ZNF578: variants seen among roughly 807,000 people sequenced by gnomAD.
ZNF578 encodes the protein zinc finger protein 578.
Under a neutral mutation model 8.3 loss-of-function variants are expected in ZNF578, and 8 were observed. The observed-to-expected ratio is 0.96, with a 90% confidence interval of 0.56 to 1.74. ZNF578 has a LOEUF of 1.74. ZNF578 is among the 40% of genes most tolerant of loss of function. The probability of loss-of-function intolerance (pLI) is 0.00; values close to 1 mark genes in which losing one functional copy is unlikely to be tolerated. For missense variants in ZNF578, 726 were observed against 707.5 expected (o/e 1.03, Z -0.30); for synonymous variants, 206 against 232.2 (o/e 0.89, Z 1.03).
At chr19:52,505,304 C>G (rs957507726) in intron 5 of ZNF578, among the ~76,000 whole-genome samples, 11 of 152,204 alleles carry the variant, frequency 7.2e-5, no homozygotes, top group Non-Finnish European at 1.5e-4. Flanking sequence ...GAAATTTCTC[C>G]TAGCGGGGAC....
At chr19:52,454,806 G>A (rs1306094232) in intron 1 of ZNF578, 3 of 152,172 alleles carry the variant, frequency 2.0e-5, no homozygotes, top group East Asian at 3.9e-4. Flanking sequence ...GATAGTGTAA[G>A]AATTGAGTTA....
In ZNF578 at chr19:52,504,897, T is replaced by TTGATTGTG. The variant is rs1242472660; in HGVS notation, c.190+118_190+119insATTGTGTG. On this transcript the variant is annotated intron_variant, in intron 5 of 5. Coordinates refer to ENST00000421239, the MANE Select transcript of ZNF578 (RefSeq NM_001099694.2). ...ATACGTGGTTTTTTTGTTTGATTGT[T>TTGATTGTG]TGTTTGGTTTGAGATGGATCTTTGC... is the stretch of plus-strand genomic sequence containing the variant. 3.9e-6 allele frequency: 6 copies of TTGATTGTG among 1,553,842 alleles called. No individual in the cohort carries two copies. In the Middle Eastern group the frequency reaches 8.7e-4, roughly 225 times the overall value.
rs181399251 is a variant in ZNF578, at chr19:52,463,898, T to G, written c.-122+6940T>G. ...GCATCCTGAGTAATTTTTGGAAGAATCCATGTAGTTAATTTTAAGAACTGG... is the reference window on the plus strand; with the variant it reads ...GCATCCTGAGTAATTTTTGGAAGAAGCCATGTAGTTAATTTTAAGAACTGG... On this transcript the variant is annotated intron_variant, in intron 2 of 5. Coordinates refer to ENST00000421239, the MANE Select transcript of ZNF578 (RefSeq NM_001099694.2). Among the ~76,000 whole-genome samples the G allele has an allele frequency of 1.3e-4, 20 of 152,334 alleles. No individual in the cohort carries two copies. In the East Asian group the frequency reaches 3.1e-3, roughly 24 times the overall value.
In ZNF578 at chr19:52,501,883, A is replaced by G; in HGVS notation, c.38A>G (p.Lys13Arg). Residue 13 changes from lysine to arginine, a missense_variant, in exon 4 of 6, where the codon AAG (lysine) becomes AGG (arginine). Transcript: ENST00000421239. ...GAAGCAGCTCAGAAGAGGAAAGGAA[A>G]GGAGCCAGGCATGGCTCTTCCTCAG... ...HEEAAQKRKG[K>R]EPGMALPQGR... 1.2e-6 allele frequency: 2 copies of G among 1,613,608 alleles called. No individual in the cohort carries two copies. The highest frequency in any genetic ancestry group is 1.7e-5 in the Admixed American group (1 of 60,004).
intron 2 of ZNF578, among the ~76,000 whole-genome samples, chr19:52,476,803 C>T (rs1348886877): frequency 6.6e-6 from 1 of 152,160 alleles, no homozygotes; most frequent in East Asian, 1.9e-4. Flanking sequence ...TGGTAGGGGC[C>T]GGTCCTTACT....
intron 5 of ZNF578, among the ~76,000 whole-genome samples, chr19:52,508,782 T>C (rs566816046): frequency 4.7e-4 from 67 of 141,674 alleles, no homozygotes; most frequent in African/African-American, 1.7e-3. Context: ...GCAACAAGAG[T>C]GGAACTCTGT....
chr19:52,514,960 CTCTTT>C lies in ZNF578; in HGVS notation c.*2808_*2812del. 8.6e-6 allele frequency among the ~76,000 whole-genome samples: 1 copy of C among 115,962 alleles called. No homozygotes were observed. Among genetic ancestry groups the C allele is most frequent in the East Asian group, 2.6e-4 (1 of 3,840 alleles). The allele number at this position is 115,962 out of a possible 152,430, so 76.1% of individuals were successfully genotyped here. On this transcript the variant is annotated 3_prime_UTR_variant, in exon 6 of 6. Transcript: ENST00000421239. ...ACAGGCATGAGCTACCACGTCGAGA[CTCTTT>C]TTTTTTTTTTTTTTTAGATGGAGTT...
intron 5 of ZNF578, 91 bp downstream of exon 5, chr19:52,504,872 A>G (rs28431137): frequency 0.11 from 161,931 of 1,511,528 alleles, 9,142 homozygotes; most frequent in African/African-American, 0.25. Flanking sequence ...ATTTTGCCCC[A>G]TACGTGGTTT....
At chr19:52,458,614 T>C (rs1011389225) in intron 2 of ZNF578, 1 of 151,730 alleles carries the variant, frequency 6.6e-6, no homozygotes, top group Admixed American at 6.6e-5. Flanking sequence ...TTTCTTTCCA[T>C]GTATTTTAGT....
chr19:52,471,416 C>T (rs551220053), intron 2 of ZNF578, among the ~76,000 whole-genome samples: 1 of 152,262 alleles, frequency 6.6e-6, no homozygotes, highest in South Asian at 2.1e-4. Flanking sequence ...TACACAGATC[C>T]TATTAGTTCT....
chr19:52,462,590 C>T (rs1459146299), intron 2 of ZNF578, among the ~76,000 whole-genome samples: 3 of 152,162 alleles, frequency 2.0e-5, no homozygotes, highest in Admixed American at 6.5e-5. Flanking sequence ...TGAGGTTACT[C>T]GAGTTTAGTG....
intron 2 of ZNF578, among the ~76,000 whole-genome samples, chr19:52,480,934 A>G (rs1041341326): frequency 5.7e-5 from 8 of 141,588 alleles, no homozygotes; most frequent in African/African-American, 2.0e-4. Context: ...AATAATAATA[A>G]TAATAATAAT....
At chr19:52,473,176 A>G (rs539647751) in intron 2 of ZNF578, among the ~76,000 whole-genome samples, 5 of 152,312 alleles carry the variant, frequency 3.3e-5, no homozygotes, top group African/African-American at 1.2e-4. Context: ...TCTCTTTACT[A>G]TGGACTCTGA....
chr19:52,501,446 G>C (rs917600485), intron 3 of ZNF578, among the ~76,000 whole-genome samples: 5 of 152,224 alleles, frequency 3.3e-5, no homozygotes, highest in Non-Finnish European at 7.3e-5. Context: ...GTGCAGCATT[G>C]AGCATGGAAG....
chr19:52,512,852 A>C lies in ZNF578; in HGVS notation c.*698A>C, dbSNP rs2059454795. On this transcript the variant is annotated 3_prime_UTR_variant, in exon 6 of 6. Coordinates refer to ENST00000421239, the MANE Select transcript of ZNF578 (RefSeq NM_001099694.2). ...TTGAGTTTGTGTTGACTTAACATTG[A>C]GTTCAAGCCTTAATTGACATGCAGG... Among the ~76,000 whole-genome samples the C allele has an allele frequency of 6.6e-6, 1 of 152,208 alleles. No homozygotes were observed. The highest frequency in any genetic ancestry group is 1.5e-5 in the Non-Finnish European group (1 of 68,038).
intron 5 of ZNF578, among the ~76,000 whole-genome samples, 181 bp downstream of exon 5, chr19:52,504,962 A>G (rs1568466072): frequency 6.6e-6 from 1 of 152,190 alleles, no homozygotes. Flanking sequence ...ATATCGGCTC[A>G]TCATAACCTC....
intron 3 of ZNF578, among the ~76,000 whole-genome samples, chr19:52,495,647 T>G (rs2059383308): frequency 6.6e-6 from 1 of 151,436 alleles, no homozygotes; most frequent in Admixed American, 6.6e-5. Context: ...GATGTGATGA[T>G]GAAGTGATGA....
chr19:52,507,745 T>C (rs536139246), intron 5 of ZNF578, among the ~76,000 whole-genome samples: 153 of 152,262 alleles, frequency 1.0e-3, no homozygotes, highest in African/African-American at 3.5e-3. Context: ...CTTTACTGTC[T>C]CTTTTTATAA....
At chr19:52,495,055 C>T (rs181582234) in intron 3 of ZNF578, among the ~76,000 whole-genome samples, 11 of 151,606 alleles carry the variant, frequency 7.3e-5, no homozygotes, top group Middle Eastern at 6.8e-3. Context: ...GTATGTTTCC[C>T]GGGGTGGTCT....
Sources: gnomAD v4.1 joint callset for allele counts (sites outside exome capture counted in the v4.1 genomes callset) on GRCh38, gnomAD v4.1.1 for gene constraint, MANE v1.5 for transcripts, NCBI Gene and HGNC (gene_info 2026-07-23, HGNC 2026-07-21) for gene names.